Variants in PRKD1 observed in about 807,000 individuals in gnomAD.
PRKD1 encodes serine/threonine-protein kinase D1.
Under a neutral mutation model 95.9 loss-of-function variants are expected in PRKD1, and 63 were observed. The observed-to-expected ratio is 0.66, with a 90% CI of 0.54 to 0.81. The LOEUF is 0.81. Among genes scored for constraint, PRKD1 ranks in the 30% least tolerant of loss-of-function variants. The probability of loss-of-function intolerance (pLI) is 0.00; values close to 1 mark genes in which losing one functional copy is unlikely to be tolerated. For synonymous variants in PRKD1, 425 were observed against 423.1 expected (o/e 1.00, Z -0.05); for missense variants, 1,048 against 1,165.3 (o/e 0.90, Z 1.47).
At chr14:29,811,946 T>C (rs1158946664) in intron 1 of PRKD1, 5 of 152,166 alleles carry the variant, frequency 3.3e-5, no homozygotes, top group African/African-American at 2.4e-5. Flanking sequence ...TGTACTAAAA[T>C]TGGACAATAG....
intron 1 of PRKD1, among the ~76,000 whole-genome samples, chr14:29,763,351 G>C (rs1888094965): frequency 9.9e-6 from 1 of 101,122 alleles, no homozygotes. Flanking sequence ...ACGAAGCAAG[G>C]AAGGAAGGAA....
intron 2 of PRKD1, among the ~76,000 whole-genome samples, chr14:29,690,124 T>C (rs1442017458): frequency 6.7e-6 from 1 of 150,224 alleles, no homozygotes; most frequent in Non-Finnish European, 1.5e-5. Flanking sequence ...AACTTAAAAG[T>C]TGAAGGAAAA....
At chr14:29,628,690 T>G (rs1879786992) in intron 11 of PRKD1, among the ~76,000 whole-genome samples, 1 of 152,214 alleles carries the variant, frequency 6.6e-6, no homozygotes, top group Admixed American at 6.5e-5. Context: ...AAGCTACTCA[T>G]GCAAATTGAG....
At chr14:29,851,671 T>C (rs1892312191) in intron 1 of PRKD1, among the ~76,000 whole-genome samples, 1 of 152,202 alleles carries the variant, frequency 6.6e-6, no homozygotes, top group South Asian at 2.1e-4. Flanking sequence ...GAAAGCAGTT[T>C]GGAGACTGCT....
At chr14:29,653,646 T>C (rs1236338961) in intron 4 of PRKD1, among the ~76,000 whole-genome samples, 3 of 152,138 alleles carry the variant, frequency 2.0e-5, no homozygotes, top group Admixed American at 2.0e-4. Flanking sequence ...TGTTGATTTA[T>C]TTTCAACATG....
intron 1 of PRKD1, among the ~76,000 whole-genome samples, chr14:29,813,426 G>GA (rs1890570440): frequency 1.3e-5 from 2 of 152,056 alleles, no homozygotes; most frequent in South Asian, 4.1e-4. Context: ...ATATAATAGG[G>GA]AAAATCTGAA....
chr14:29,927,211 C>CG, intron 1 of PRKD1, 38 bp downstream of exon 1: 1 of 1,458,298 alleles, frequency 6.9e-7, no homozygotes, highest in South Asian at 1.3e-5. Flanking sequence ...CCCTGCGCCG[C>CG]GGGGAGGCGC....
In PRKD1 at chr14:29,629,065, T is replaced by C. The variant is rs1879815039; in HGVS notation, c.1701A>G (p.Ser567=). The change falls in exon 11 of 18, where the codon TCA becomes TCG. Residue 567 remains serine (S), a synonymous_variant. Transcript: ENST00000331968. ...HRDISVSISV[S]NCQIQENVDI... is the part of the protein sequence containing the mutation. Reference sequence around the variant, plus strand: ...CCACATTTTCTTGAATCTGGCAATTTGATACTGAAATACTCACAGAGATAT... The same window carrying C: ...CCACATTTTCTTGAATCTGGCAATTCGATACTGAAATACTCACAGAGATAT... 1.9e-6 allele frequency: 3 copies of C among 1,608,168 alleles called. No homozygotes were observed. The Admixed American group carries it at 5.1e-5, about 27-fold the overall frequency.
intron 1 of PRKD1, among the ~76,000 whole-genome samples, chr14:29,855,803 GT>G (rs1003110959): frequency 6.6e-6 from 1 of 152,102 alleles, no homozygotes; most frequent in African/African-American, 2.4e-5. Context: ...AGGTCTGATG[GT>G]TTTAAAAATG....
chr14:29,880,024 A>G (rs375996607), intron 1 of PRKD1, among the ~76,000 whole-genome samples: 39 of 152,368 alleles, frequency 2.6e-4, no homozygotes, highest in African/African-American at 8.7e-4. Context: ...TTTCAGCCTG[A>G]TGATGCAGTA....
intron 1 of PRKD1, among the ~76,000 whole-genome samples, chr14:29,733,009 T>C (rs2139414088): frequency 6.6e-6 from 1 of 151,554 alleles, no homozygotes; most frequent in South Asian, 2.1e-4. Flanking sequence ...TTCACCATTG[T>C]TTTTGTCTTT....
At chr14:29,707,107 G>C (rs1047601824) in intron 2 of PRKD1, among the ~76,000 whole-genome samples, 5 of 152,136 alleles carry the variant, frequency 3.3e-5, no homozygotes, top group African/African-American at 1.2e-4. Flanking sequence ...AAGCCATATT[G>C]CTGAAGAATT....
intron 14 of PRKD1, 40 bp downstream of exon 14, chr14:29,599,616 T>C: frequency 6.4e-7 from 1 of 1,557,244 alleles, no homozygotes; most frequent in South Asian, 1.1e-5. Flanking sequence ...ACATTTGATA[T>C]TAAATATTGT....
At chr14:29,868,941 T>C (rs903174842) in intron 1 of PRKD1, among the ~76,000 whole-genome samples, 96 of 152,296 alleles carry the variant, frequency 6.3e-4, no homozygotes, top group African/African-American at 2.2e-3. Context: ...AATGTGCTCA[T>C]AGCTATCAGA....
At chr14:29,679,390 AT>A (rs1266963591) in intron 2 of PRKD1, among the ~76,000 whole-genome samples, 15 of 152,118 alleles carry the variant, frequency 9.9e-5, no homozygotes, top group East Asian at 5.8e-4. Flanking sequence ...CTAACCTTCA[AT>A]TTTTTTGGCT....
intron 1 of PRKD1, among the ~76,000 whole-genome samples, chr14:29,761,754 G>C (rs1887996474): frequency 6.6e-6 from 1 of 151,616 alleles, no homozygotes; most frequent in Non-Finnish European, 1.5e-5. Context: ...TAGGAGAAGT[G>C]GGTTGCTCTA....
At chr14:29,740,915 G>A (rs903873628) in intron 1 of PRKD1, among the ~76,000 whole-genome samples, 2 of 152,196 alleles carry the variant, frequency 1.3e-5, no homozygotes, top group African/African-American at 2.4e-5. Context: ...CACAGAATAT[G>A]ATGCAGTCAT....
chr14:29,723,256 A>C (rs1254995696), intron 2 of PRKD1, among the ~76,000 whole-genome samples: 1 of 152,242 alleles, frequency 6.6e-6, no homozygotes, highest in Non-Finnish European at 1.5e-5. Flanking sequence ...TTCACTGCAA[A>C]GAAGGTGACA....
intron 1 of PRKD1, among the ~76,000 whole-genome samples, chr14:29,774,231 A>C (rs1888636772): frequency 6.6e-6 from 1 of 152,224 alleles, no homozygotes; most frequent in Non-Finnish European, 1.5e-5. Context: ...GCACTTGAAG[A>C]GGGAGGATGG....
Sources: allele counts gnomAD v4.1 joint callset (sites outside exome capture counted in the v4.1 genomes callset), GRCh38; gene constraint gnomAD v4.1.1; transcripts MANE v1.5; gene names NCBI Gene and HGNC (gene_info 2026-07-23, HGNC 2026-07-21).